The following CFAP54 variants were observed in gnomAD, a reference collection of about 807,000 sequenced individuals.
CFAP54 encodes cilia- and flagella-associated protein 54.
A neutral mutation model predicts 370.4 loss-of-function variants in CFAP54; 290 were observed. The ratio of observed to expected loss-of-function variants is 0.78; its 90% confidence interval spans 0.71 to 0.86. CFAP54 has a LOEUF of 0.86. CFAP54 is among the 40% of genes least tolerant of loss of function. The pLI is 0.00. For missense variants in CFAP54, 3,399 were observed against 3,528.7 expected (o/e 0.96, Z 0.93); for synonymous variants, 1,206 against 1,236.5 (o/e 0.98, Z 0.52).
rs184964742 is a variant in CFAP54 at position 96,633,035 on chromosome 12, T to C, written c.4316+2384T>C. On this transcript the variant is annotated intron_variant, in intron 32 of 67. Transcript: ENST00000524981. ...CATTTTTGAATTTTTCTATTCTTTGTATAGGTGTATAGTTGATTTTTTTGC... is the reference window on the plus strand; with the variant it reads ...CATTTTTGAATTTTTCTATTCTTTGCATAGGTGTATAGTTGATTTTTTTGC... 3.3e-5 allele frequency among the ~76,000 whole-genome samples: 5 copies of C among 152,306 alleles called. No homozygotes were observed. In the East Asian group the frequency reaches 9.6e-4, roughly 29 times the overall value.
rs1238193522 is a variant in CFAP54 at position 96,576,633 on chromosome 12, T to C, written c.2668T>C (p.Tyr890His). The change falls in exon 20 of 68, where the codon TAT becomes CAT. Residue 890 changes from tyrosine (Y) to histidine (H), a missense_variant. Tyr to His is a moderately conservative substitution (Grantham distance 83). This residue lies in a region of CFAP54 where 2,796 missense variants were observed against 2,869.7 expected (regional missense o/e 0.97). Coordinates refer to ENST00000524981, the MANE Select transcript of CFAP54 (RefSeq NM_001306084.2). ...GATTGAAGCTGAACAAAATGCCCTATATTCCTATCAGAAATATTTGGAAAG... is the reference window on the plus strand; with the variant it reads ...GATTGAAGCTGAACAAAATGCCCTACATTCCTATCAGAAATATTTGGAAAG... ...QRIEAEQNAL[Y>H]SYQKYLESSK... 6.5e-7 allele frequency: 1 copy of C among 1,535,132 alleles called. No individual in the cohort carries two copies. Among genetic ancestry groups the C allele is most frequent in the Non-Finnish European group, 8.7e-7 (1 of 1,146,230 alleles).
rs1275225004 is a variant in CFAP54, at chr12:96,615,255, G to A, written c.3640-6335G>A. ...TTGACAAACCTGACAAAAACAAAAA[G>A]TGGGGAAAGGATTCCCTATTTAATA... is the stretch of plus-strand genomic sequence containing the variant. On this transcript the variant is annotated intron_variant, in intron 26 of 67. Transcript: ENST00000524981. 7.9e-5 allele frequency among the ~76,000 whole-genome samples: 12 copies of A among 152,232 alleles called. No homozygotes were observed. In the East Asian group the frequency reaches 2.3e-3, roughly 29 times the overall value.
intron 5 of CFAP54, 49 bp downstream of exon 5, chr12:96,513,093 T>C: frequency 8.6e-7 from 1 of 1,163,638 alleles, no homozygotes; most frequent in South Asian, 1.7e-5. Flanking sequence ...CCTGTTTTAT[T>C]TTTCTTAAGG....
chr12:96,563,012 C>T (rs947923615), intron 17 of CFAP54, among the ~76,000 whole-genome samples: 1 of 152,086 alleles, frequency 6.6e-6, no homozygotes, highest in Non-Finnish European at 1.5e-5. Flanking sequence ...AAATATGTTT[C>T]AAAATGTAAA....
intron 27 of CFAP54, among the ~76,000 whole-genome samples, 154 bp downstream of exon 27, chr12:96,621,875 G>GTTTTT (rs71068819): frequency 0.015 from 727 of 50,020 alleles, 20 homozygotes; most frequent in South Asian, 0.029. Context: ...TTTTGGGTTT[G>GTTTTT]TTTTTTTTTT....
chr12:96,527,776 C>T lies in CFAP54; in HGVS notation c.1357+332C>T, dbSNP rs909643315. Among the ~76,000 whole-genome samples, 26 of 152,116 alleles carry T rather than the reference C, an allele frequency of 1.7e-4. 1 individual carries two copies. The highest frequency in any genetic ancestry group is 5.8e-4 in the African/African-American group (24 of 41,498). On this transcript the variant is annotated intron_variant, in intron 9 of 67. Transcript: ENST00000524981. ...TAGAGACGGGGTCTCACCGTGTTTC[C>T]CAGTCTGGTCTCGACCTCCTGGGAC...
chr12:96,822,091 C>T (rs969613088), intron 65 of CFAP54, among the ~76,000 whole-genome samples: 3 of 152,130 alleles, frequency 2.0e-5, no homozygotes, highest in African/African-American at 7.2e-5. Flanking sequence ...GGGAGGACTA[C>T]AGAACAGGTG....
intron 67 of CFAP54, among the ~76,000 whole-genome samples, chr12:96,863,252 G>T (rs945425340): frequency 1.3e-5 from 2 of 151,866 alleles, no homozygotes; most frequent in Non-Finnish European, 2.9e-5. Flanking sequence ...GGAGGCAGAG[G>T]TATCACCAAC....
chr12:96,633,338 A>C (rs1470810187), intron 32 of CFAP54, among the ~76,000 whole-genome samples: 1 of 152,240 alleles, frequency 6.6e-6, no homozygotes, highest in Non-Finnish European at 1.5e-5. Context: ...AATAATACAG[A>C]GAGATCCCAT....
At chr12:96,653,557 A>T (rs1450798997) in intron 36 of CFAP54, among the ~76,000 whole-genome samples, 1 of 152,216 alleles carries the variant, frequency 6.6e-6, no homozygotes. Context: ...AAGAGAAATT[A>T]GAGAATATTT....
chr12:96,727,009 G>A (rs1957849541), intron 50 of CFAP54, among the ~76,000 whole-genome samples: 1 of 152,168 alleles, frequency 6.6e-6, no homozygotes, highest in African/African-American at 2.4e-5. Flanking sequence ...TTAATCCTGA[G>A]TTCTAGTTTG....
At chr12:96,612,169 A>T (rs925543762) in intron 26 of CFAP54, among the ~76,000 whole-genome samples, 1 of 152,274 alleles carries the variant, frequency 6.6e-6, no homozygotes, top group African/African-American at 2.4e-5. Flanking sequence ...AGGGAAGCCC[A>T]TCAGACTAAC....
chr12:96,629,300 A>C (rs938086103), intron 30 of CFAP54, among the ~76,000 whole-genome samples: 1 of 151,978 alleles, frequency 6.6e-6, no homozygotes, highest in Non-Finnish European at 1.5e-5. Flanking sequence ...ACTGTATAAT[A>C]CATTTTATTA....
chr12:96,570,587 A>G (rs1006514640), intron 19 of CFAP54, among the ~76,000 whole-genome samples: 2 of 152,200 alleles, frequency 1.3e-5, no homozygotes, highest in African/African-American at 4.8e-5. Context: ...TGGTTCTACC[A>G]GTGATTAGCT....
chr12:96,757,443 A>G, intron 57 of CFAP54, 52 bp from the exon 58 acceptor site: 6 of 1,040,100 alleles, frequency 5.8e-6, no homozygotes, highest in Non-Finnish European at 8.4e-6. Flanking sequence ...AATGATACCA[A>G]TGATTATGCA....
intron 26 of CFAP54, among the ~76,000 whole-genome samples, chr12:96,611,757 G>A (rs923787562): frequency 3.3e-5 from 5 of 152,192 alleles, no homozygotes; most frequent in South Asian, 4.1e-4. Context: ...TTCAGTAGTC[G>A]ATTTGATCAA....
chr12:96,593,401 C>A (rs7979579), intron 24 of CFAP54, among the ~76,000 whole-genome samples: 136,962 of 152,108 alleles, frequency 0.9, 61,847 homozygotes, highest in East Asian at 0.96. Flanking sequence ...TAACCAAGAC[C>A]TTGTTACATG....
intron 26 of CFAP54, among the ~76,000 whole-genome samples, chr12:96,607,091 C>T (rs1418124944): frequency 6.6e-6 from 1 of 152,234 alleles, no homozygotes; most frequent in Non-Finnish European, 1.5e-5. Flanking sequence ...GCTTTCTGTT[C>T]ATGGCCTGAC....
chr12:96,855,559 C>T (rs1959678365), intron 66 of CFAP54, among the ~76,000 whole-genome samples: 1 of 152,224 alleles, frequency 6.6e-6, no homozygotes, highest in South Asian at 2.1e-4. Context: ...AGGCCCCATG[C>T]AAGTCCAAAA....
Sources: allele counts gnomAD v4.1 joint callset (sites outside exome capture counted in the v4.1 genomes callset), GRCh38; gene constraint gnomAD v4.1.1; regional missense constraint gnomAD v4.1.1; transcripts MANE v1.5; gene names NCBI Gene and HGNC (gene_info 2026-07-23, HGNC 2026-07-21).